EYS: variants seen among roughly 807,000 people sequenced by gnomAD.
EYS encodes the protein EGF-like photoreceptor maintenance factor.
A neutral mutation model predicts 282.1 loss-of-function variants in EYS; 250 were observed. The ratio of observed to expected loss-of-function variants is 0.89; its 90% CI spans 0.80 to 0.98. The LOEUF (loss-of-function observed/expected upper bound fraction) is 0.98. Ranked by LOEUF, EYS falls within the 50% of genes least tolerant of loss-of-function variation. EYS has a pLI of 0.00. For missense variants in EYS, 4,016 were observed against 3,709.0 expected (o/e 1.08, Z -2.15); for synonymous variants, 1,355 against 1,282.9 (o/e 1.06, Z -1.20).
intron 26 of EYS, among the ~76,000 whole-genome samples, chr6:64,462,835 T>C (rs1442152972): frequency 6.6e-6 from 1 of 152,134 alleles, no homozygotes; most frequent in Non-Finnish European, 1.5e-5. Flanking sequence ...TATCTTTAAC[T>C]GGAATGCTAA....
chr6:64,222,247 T>C (rs1306215771), intron 31 of EYS, among the ~76,000 whole-genome samples: 2 of 152,012 alleles, frequency 1.3e-5, no homozygotes, highest in Non-Finnish European at 2.9e-5. Context: ...ATTAATAAGA[T>C]TGTATTTACA....
chr6:64,702,073 C>T (rs1412805865), intron 22 of EYS, among the ~76,000 whole-genome samples: 1 of 151,502 alleles, frequency 6.6e-6, no homozygotes, highest in Non-Finnish European at 1.5e-5. Flanking sequence ...CAAAAAACCT[C>T]ATTTGATTCA....
At chr6:63,948,264 A>C (rs900861245) in intron 35 of EYS, among the ~76,000 whole-genome samples, 6 of 152,204 alleles carry the variant, frequency 3.9e-5, no homozygotes, top group Non-Finnish European at 8.8e-5. Flanking sequence ...GAAGATGGAT[A>C]TGCCTTTTTT....
Position 65,502,604 on chromosome 6 carries a change from A to G in EYS, c.-332-6611T>C, listed in dbSNP as rs368915643. 1.8e-4 allele frequency among the ~76,000 whole-genome samples: 28 copies of G among 151,610 alleles called. No individual in the cohort carries two copies. The East Asian group carries it at 5.0e-3, about 27-fold the overall frequency. ...TTATTCAGACTTTTTCATTTTTTAC[A>G]TTATGTTCCCTTTTCTTTTCTAGGA... On this transcript the variant is annotated intron_variant, in intron 2 of 42. Transcript: ENST00000503581.
intron 12 of EYS, among the ~76,000 whole-genome samples, chr6:65,111,874 C>G (rs184104512): frequency 6.6e-6 from 1 of 152,246 alleles, no homozygotes; most frequent in East Asian, 1.9e-4. Flanking sequence ...CCCATGTTAA[C>G]TTTGGTTCCA....
chr6:63,791,696 T>C (rs902090448), intron 37 of EYS, among the ~76,000 whole-genome samples: 1 of 151,926 alleles, frequency 6.6e-6, no homozygotes, highest in Non-Finnish European at 1.5e-5. Context: ...AAGGGTCTAA[T>C]ATGCTGCAAT....
At chr6:63,807,431 TA>T (rs1770935074) in intron 36 of EYS, among the ~76,000 whole-genome samples, 1 of 152,224 alleles carries the variant, frequency 6.6e-6, no homozygotes, top group Admixed American at 6.5e-5. Context: ...TATGTCTGTT[TA>T]TAATTGTGTA....
chr6:64,185,355 A>G (rs1764902727), intron 31 of EYS, among the ~76,000 whole-genome samples: 1 of 140,578 alleles, frequency 7.1e-6, no homozygotes, highest in South Asian at 2.3e-4. Context: ...TCAGAAAGAA[A>G]AATACTGTAT....
At chr6:63,921,165 G>A (rs1366425628) in intron 35 of EYS, among the ~76,000 whole-genome samples, 1 of 152,166 alleles carries the variant, frequency 6.6e-6, no homozygotes, top group East Asian at 1.9e-4. Context: ...CAAAGTGCTG[G>A]GATTACAGGC....
intron 22 of EYS, among the ~76,000 whole-genome samples, chr6:64,801,496 C>T (rs1251355185): frequency 1.3e-5 from 2 of 151,454 alleles, no homozygotes; most frequent in African/African-American, 4.8e-5. Context: ...TTTTTGTATC[C>T]ACTTTTTAAA....
intron 30 of EYS, among the ~76,000 whole-genome samples, chr6:64,287,865 C>A (rs1768555103): frequency 6.6e-6 from 1 of 152,096 alleles, no homozygotes; most frequent in Middle Eastern, 3.2e-3. Context: ...ATGGAGACAA[C>A]AACAAAGCCT....
chr6:64,612,176 T>C (rs1160370561), intron 24 of EYS, among the ~76,000 whole-genome samples: 1 of 152,134 alleles, frequency 6.6e-6, no homozygotes, highest in Non-Finnish European at 1.5e-5. Context: ...GAACCCTTTT[T>C]TCTCAGAAAA....
chr6:64,745,280 A>G (rs577610483), intron 22 of EYS, among the ~76,000 whole-genome samples: 1 of 152,324 alleles, frequency 6.6e-6, no homozygotes, highest in South Asian at 2.1e-4. Context: ...CAGGATTTTA[A>G]AAGTCAGTAC....
At chr6:65,404,811 A>C (rs1766657196) in intron 6 of EYS, among the ~76,000 whole-genome samples, 1 of 151,970 alleles carries the variant, frequency 6.6e-6, no homozygotes, top group African/African-American at 2.4e-5. Flanking sequence ...TATGAATCTA[A>C]AATGAAAAGA....
At chr6:63,761,046 G>C (rs1270672086) in intron 41 of EYS, among the ~76,000 whole-genome samples, 1 of 146,176 alleles carries the variant, frequency 6.8e-6, no homozygotes, top group Non-Finnish European at 1.5e-5. Context: ...ATATTTAACC[G>C]ATTTTTTTTT....
In EYS at chr6:65,355,426, A is replaced by C. The variant is rs1764443223; in HGVS notation, c.1300-1809T>G. Among the ~76,000 whole-genome samples, 3 of 152,118 alleles carry C rather than the reference A, an allele frequency of 2.0e-5. No individual in the cohort carries two copies. The South Asian group carries it at 6.2e-4, about 31-fold the overall frequency. ...CACTGGCCTAGGAAGAGAACTCATG[A>C]CTGAGATCTCAAAGTACAAGCAACT... On this transcript the variant is annotated intron_variant, in intron 8 of 42. Transcript: ENST00000503581.
chr6:63,732,608 C>G (rs1447034487), intron 41 of EYS, among the ~76,000 whole-genome samples: 3 of 152,158 alleles, frequency 2.0e-5, no homozygotes, highest in African/African-American at 7.2e-5. Flanking sequence ...TGTCTATCAA[C>G]TCCTAAAAAT....
intron 19 of EYS, among the ~76,000 whole-genome samples, chr6:64,846,489 G>C (rs1285054828): frequency 1.3e-5 from 2 of 151,880 alleles, no homozygotes. Flanking sequence ...AAAACAAATG[G>C]GATCTAAATT....
intron 35 of EYS, among the ~76,000 whole-genome samples, chr6:63,923,301 T>C (rs1764623598): frequency 6.6e-6 from 1 of 152,160 alleles, no homozygotes; most frequent in Admixed American, 6.5e-5. Flanking sequence ...TATGCAAATA[T>C]GCCATTTAAA....
Sources: gnomAD v4.1 joint callset for allele counts (sites outside exome capture counted in the v4.1 genomes callset) on GRCh38, gnomAD v4.1.1 for gene constraint, MANE v1.5 for transcripts, NCBI Gene and HGNC (gene_info 2026-07-23, HGNC 2026-07-21) for gene names.